The following HHIPL1 variants were observed in gnomAD, a reference collection of about 807,000 sequenced individuals.
The protein encoded by HHIPL1 is HHIP-like protein 1.
Under a neutral mutation model 61.8 loss-of-function variants are expected in HHIPL1, and 43 were observed. The ratio of observed to expected loss-of-function variants is 0.70; its 90% confidence interval spans 0.55 to 0.90. The LOEUF (loss-of-function observed/expected upper bound fraction) is 0.90. Among genes scored for constraint, HHIPL1 ranks in the 40% least tolerant of loss-of-function variants. The pLI is 0.00. For missense variants in HHIPL1, 1,056 were observed against 1,157.7 expected (o/e 0.91, Z 1.28); for synonymous variants, 482 against 515.8 (o/e 0.93, Z 0.89).
chr14:99,675,763 G>A lies in HHIPL1; in HGVS notation c.*137G>A. On this transcript the variant is annotated 3_prime_UTR_variant, in exon 9 of 9. Transcript: ENST00000330710. The surrounding 1 kb of genome is among the most constrained non-coding windows in gnomAD (Gnocchi z 5.4). ...GGTGTGTGCTGTCCTGGGGACATGT[G>A]TGAGGCGCTGCAGTGCATGTGTGTC... is the stretch of plus-strand genomic sequence containing the variant. 3 of 860,372 alleles carry A rather than the reference G, an allele frequency of 3.5e-6. No individual in the cohort carries two copies. The highest frequency in any genetic ancestry group is 3.5e-5 in the African/African-American group (2 of 56,842). 53.3% of individuals were successfully genotyped at this position (860,372 alleles called of 1,614,324 possible).
At position 99,660,258 on chromosome 14, in the gene HHIPL1, TTC is replaced by T. The variant is rs1462774295; in HGVS notation, c.1376-17_1376-16del. Reference sequence around the variant, plus strand: ...CTTCCCGCCGCTGGCTCACCGAAGCTTCTCTCCCTCCCACCCCGCAGATGACT... The same window carrying T: ...CTTCCCGCCGCTGGCTCACCGAAGCTTCTCCCTCCCACCCCGCAGATGACT... On this transcript the variant is annotated intron_variant, in intron 4 of 8. Transcript: ENST00000330710. The surrounding 1 kb of genome is among the most constrained non-coding windows in gnomAD (Gnocchi z 4.9). The T allele has an allele frequency of 3.1e-6, 5 of 1,612,736 alleles. No homozygotes were observed. Among genetic ancestry groups the T allele is most frequent in the Admixed American group, 3.3e-5 (2 of 59,942 alleles).
chr14:99,609,532 G>A, the HHIPL1 span, among the ~76,000 whole-genome samples: 1 of 152,224 alleles, frequency 6.6e-6, no homozygotes, highest in African/African-American at 2.4e-5. Flanking sequence ...TCCTTTTGGG[G>A]TGGGGCCAGC....
chr14:99,663,614 T>G (rs2056191286), intron 6 of HHIPL1, among the ~76,000 whole-genome samples: 1 of 152,214 alleles, frequency 6.6e-6, no homozygotes. Context: ...TGTCTGGGAA[T>G]GCAACCCAGT....
chr14:99,604,977 G>A, the HHIPL1 span, among the ~76,000 whole-genome samples: 1 of 152,186 alleles, frequency 6.6e-6, no homozygotes. Context: ...GCCCAGGGCT[G>A]AGCTAAACGC....
At position 99,662,963 on chromosome 14, in the gene HHIPL1, C is replaced by G. The variant is rs1807689561; in HGVS notation, c.1590C>G (p.Phe530Leu). The stretch of plus-strand genomic sequence containing the variant: ...TGGGCCACGGCCAGACCTGTGAGTT[C>G]CCAGGCCTCATCAACAACTACTACC... Reference protein sequence around the residue: ...ICMGHGQTCEFPGLINNYYPY... With the variant: ...ICMGHGQTCELPGLINNYYPY... The change falls in exon 6 of 9, where the codon TTC (phenylalanine) becomes TTG (leucine). Residue 530 changes from phenylalanine (F) to leucine (L), a missense_variant. Transcript: ENST00000330710. The G allele has an allele frequency of 6.2e-7, 1 of 1,613,988 alleles. No homozygotes were observed. Among genetic ancestry groups the G allele is most frequent in the Non-Finnish European group, 8.5e-7 (1 of 1,179,950 alleles).
intron 6 of HHIPL1, 60 bp downstream of exon 6, chr14:99,663,081 C>G: frequency 1.3e-6 from 2 of 1,482,656 alleles, no homozygotes; most frequent in Non-Finnish European, 1.8e-6. Context: ...GTCCTCCACC[C>G]TGTGGTCCTT....
At position 99,675,640 on chromosome 14, in the gene HHIPL1, G is replaced by T; in HGVS notation, c.*14G>T. The T allele has an allele frequency of 2.0e-6, 3 of 1,494,130 alleles. No homozygotes were observed. The highest frequency in any genetic ancestry group is 1.8e-6 in the Non-Finnish European group (2 of 1,121,672). The allele number at this position is 1,494,130 out of a possible 1,614,324, so 92.6% of individuals were successfully genotyped here. Reference sequence around the variant, plus strand: ...CCCGACCTGTAGGCAACACGCCGCTGCCCCAGGCCATCCCGCCGGCGGGGG... The same window carrying T: ...CCCGACCTGTAGGCAACACGCCGCTTCCCCAGGCCATCCCGCCGGCGGGGG... On this transcript the variant is annotated 3_prime_UTR_variant, in exon 9 of 9. Transcript: ENST00000330710. This position sits in a 1 kb window ranked among gnomAD's most constrained non-coding sequence, Gnocchi z 5.4.
At chr14:99,645,095 C>G (rs2055805694), upstream of HHIPL1, 1 of 979,482 alleles carries the variant, frequency 1.0e-6, no homozygotes, top group African/African-American at 1.7e-5. Flanking sequence ...TCCCCAAACT[C>G]GAGGCCCTGC....
chr14:99,627,826 G>A, the HHIPL1 span, among the ~76,000 whole-genome samples: 1 of 152,206 alleles, frequency 6.6e-6, no homozygotes, highest in African/African-American at 2.4e-5. The surrounding 1 kb of genome is among the most constrained non-coding windows in gnomAD (Gnocchi z 4.4). Context: ...AATGCAGGAT[G>A]AGAAAGGAAC....
chr14:99,671,402 T>C (rs958606978), intron 7 of HHIPL1, among the ~76,000 whole-genome samples: 1 of 152,190 alleles, frequency 6.6e-6, no homozygotes, highest in African/African-American at 2.4e-5. Flanking sequence ...TCCTGCAGCT[T>C]TGAGAAGCGT....
upstream of HHIPL1, among the ~76,000 whole-genome samples, chr14:99,642,085 G>A (rs893932856): frequency 2.0e-5 from 3 of 151,560 alleles, no homozygotes; most frequent in African/African-American, 4.9e-5. Flanking sequence ...GATTACAGGC[G>A]CCCGTCACCA....
At chr14:99,645,526 C>A in intron 1 of HHIPL1, 64 bp downstream of exon 1, 1 of 1,238,020 alleles carries the variant, frequency 8.1e-7, no homozygotes, top group South Asian at 3.4e-5. Flanking sequence ...GAGCAGAGAT[C>A]GGAACCCCGC....
At chr14:99,630,312 C>T in the HHIPL1 span, among the ~76,000 whole-genome samples, 24 of 152,350 alleles carry the variant, frequency 1.6e-4, no homozygotes, top group African/African-American at 5.3e-4. Context: ...AGCCCCTGGT[C>T]CATCTGCAGT....
Position 99,652,366 on chromosome 14 carries a change from A to C in HHIPL1, c.398A>C (p.Gln133Pro). The C allele has an allele frequency of 6.2e-7, 1 of 1,614,222 alleles. No homozygotes were observed. Reference protein sequence around the residue: ...RGLFRHLSTDQELWALEGNLA... With the variant: ...RGLFRHLSTDPELWALEGNLA... Reference sequence around the variant, plus strand: ...CTGTTCCGTCACCTGTCAACTGACCAGGAGCTCTGGGCGCTGGAGGGCAAC... The same window carrying C: ...CTGTTCCGTCACCTGTCAACTGACCCGGAGCTCTGGGCGCTGGAGGGCAAC... The change falls in exon 2 of 9, where the codon CAG (glutamine) becomes CCG (proline). Residue 133 changes from glutamine to proline, a missense_variant. Gln to Pro is a moderately conservative substitution (Grantham distance 76). Coordinates refer to ENST00000330710, the MANE Select transcript of HHIPL1 (RefSeq NM_001127258.3).
the HHIPL1 span, among the ~76,000 whole-genome samples, chr14:99,632,732 G>A: frequency 7.9e-5 from 12 of 152,252 alleles, no homozygotes; most frequent in Non-Finnish European, 1.8e-4. Flanking sequence ...CGTTAAGACT[G>A]AAGTCTCTCC....
In HHIPL1 at chr14:99,675,141, A is replaced by G. The variant is rs1410728027; in HGVS notation, c.1864A>G (p.Thr622Ala). 19 of 1,114,744 alleles carry G rather than the reference A, an allele frequency of 1.7e-5. No individual in the cohort carries two copies. In the African/African-American group the frequency reaches 2.9e-4, roughly 17 times the overall value. 69.1% of individuals were successfully genotyped at this position (1,114,744 alleles called of 1,614,324 possible). ...STPRPTARAP[T>A]RAPRRGRPTA... is the part of the protein sequence containing the mutation. ...CCCGCGGCCTACAGCGCGGGCGCCCACGCGGGCGCCCCGCCGAGGGCGCCC... is the reference window on the plus strand; with the variant it reads ...CCCGCGGCCTACAGCGCGGGCGCCCGCGCGGGCGCCCCGCCGAGGGCGCCC... Residue 622 changes from threonine to alanine, a missense_variant, in exon 9 of 9, where the codon ACG (threonine) becomes GCG (alanine). Thr to Ala is a moderately conservative substitution (Grantham distance 58). Coordinates refer to ENST00000330710, the MANE Select transcript of HHIPL1 (RefSeq NM_001127258.3). The surrounding 1 kb of genome is among the most constrained non-coding windows in gnomAD (Gnocchi z 5.4).
chr14:99,657,548 C>G (rs1251122593), intron 3 of HHIPL1, among the ~76,000 whole-genome samples: 1 of 152,144 alleles, frequency 6.6e-6, no homozygotes, highest in African/African-American at 2.4e-5. Flanking sequence ...TGTGAGCTGG[C>G]TGGAGCAGGG....
rs150745415 is a variant in HHIPL1 at position 99,671,274 on chromosome 14, C to T, written c.1731-1043C>T. Among the ~76,000 whole-genome samples, 5 of 152,330 alleles carry T rather than the reference C, an allele frequency of 3.3e-5. No homozygotes were observed. The East Asian group carries it at 9.6e-4, about 29-fold the overall frequency. ...GTGGCATTTTGGGGTGGATATCCTA[C>T]CCTTTTGCATAACAAAGACTTTTAA... On this transcript the variant is annotated intron_variant, in intron 7 of 8. Transcript: ENST00000330710.
At chr14:99,648,573 C>T (rs2055877422) in intron 1 of HHIPL1, among the ~76,000 whole-genome samples, 1 of 152,330 alleles carries the variant, frequency 6.6e-6, no homozygotes, top group African/African-American at 2.4e-5. Flanking sequence ...GGCTGGAGCG[C>T]CCCTGGCGAC....
Sources: gnomAD v4.1 joint callset for allele counts (sites outside exome capture counted in the v4.1 genomes callset) on GRCh38, gnomAD v4.1.1 for gene constraint, Gnocchi (gnomAD v3.1) non-coding constraint, MANE v1.5 for transcripts, NCBI Gene and HGNC (gene_info 2026-07-23, HGNC 2026-07-21) for gene names.